THSD7B: variants seen among roughly 807,000 people sequenced by gnomAD.
The protein encoded by THSD7B is thrombospondin type 1 domain containing 7B.
In THSD7B, 138 loss-of-function variants were observed where a neutral mutation model predicts 213.6. The observed-to-expected ratio is 0.65, with a 90% confidence interval of 0.56 to 0.74. THSD7B has a LOEUF of 0.74. Among genes scored for constraint, THSD7B ranks in the 30% least tolerant of loss-of-function variants. The pLI is 0.00. For synonymous variants in THSD7B, 742 were observed against 687.0 expected (o/e 1.08, Z -1.25); for missense variants, 1,931 against 1,991.5 (o/e 0.97, Z 0.58).
chr2:137,592,565 T>G (rs1350146439), intron 17 of THSD7B, among the ~76,000 whole-genome samples: 1 of 152,058 alleles, frequency 6.6e-6, no homozygotes, highest in South Asian at 2.1e-4. Context: ...AGACTATAAC[T>G]TTTATTCCTA....
intron 9 of THSD7B, among the ~76,000 whole-genome samples, chr2:137,237,685 G>T (rs906586036): frequency 1.3e-5 from 2 of 152,172 alleles, no homozygotes; most frequent in Non-Finnish European, 2.9e-5. Flanking sequence ...TTCAGAAGTT[G>T]GGGAGAACCT....
chr2:136,831,088 CCTT>C (rs1254683672), intron 1 of THSD7B, among the ~76,000 whole-genome samples: 1 of 145,562 alleles, frequency 6.9e-6, no homozygotes, highest in Non-Finnish European at 1.5e-5. Flanking sequence ...TCCTAGTTTG[CCTT>C]CTTTGTTTGG....
intron 2 of THSD7B, among the ~76,000 whole-genome samples, chr2:137,024,199 A>T (rs1342040023): frequency 6.6e-6 from 1 of 152,154 alleles, no homozygotes; most frequent in African/African-American, 2.4e-5. Flanking sequence ...CCTGGACGCG[A>T]TCTGTCACCT....
At chr2:137,456,240 G>T (rs113727336) in intron 15 of THSD7B, among the ~76,000 whole-genome samples, 1 of 152,094 alleles carries the variant, frequency 6.6e-6, no homozygotes, top group Non-Finnish European at 1.5e-5. Flanking sequence ...GCAGGGTAAT[G>T]ATGTTTTTAA....
At chr2:137,143,925 GT>G (rs915852213) in intron 5 of THSD7B, among the ~76,000 whole-genome samples, 1 of 151,572 alleles carries the variant, frequency 6.6e-6, no homozygotes, top group African/African-American at 2.4e-5. Flanking sequence ...CTGCCTGGTG[GT>G]TTTTTTTCCA....
At chr2:137,030,370 A>G (rs569084420) in intron 2 of THSD7B, among the ~76,000 whole-genome samples, 1 of 152,310 alleles carries the variant, frequency 6.6e-6, no homozygotes, top group African/African-American at 2.4e-5. Context: ...ATAGTCAGAC[A>G]TATTAGTAAG....
chr2:136,951,985 T>G (rs982276214), intron 2 of THSD7B, among the ~76,000 whole-genome samples: 1 of 152,150 alleles, frequency 6.6e-6, no homozygotes, highest in Admixed American at 6.5e-5. Flanking sequence ...TTCTTCTGCC[T>G]CAGCCTCTTG....
intron 2 of THSD7B, among the ~76,000 whole-genome samples, chr2:136,953,314 G>A (rs1485452485): frequency 6.6e-6 from 1 of 152,090 alleles, no homozygotes; most frequent in Non-Finnish European, 1.5e-5. Flanking sequence ...TTCCTTCAAA[G>A]ACACTGCTGC....
chr2:137,428,381 A>G (rs1156871886), intron 14 of THSD7B, among the ~76,000 whole-genome samples: 1 of 152,198 alleles, frequency 6.6e-6, no homozygotes, highest in Non-Finnish European at 1.5e-5. Context: ...CTGCTTTGAA[A>G]AATCATCAGT....
chr2:137,372,971 G>A (rs1685565757), intron 12 of THSD7B, among the ~76,000 whole-genome samples: 1 of 150,916 alleles, frequency 6.6e-6, no homozygotes, highest in Admixed American at 6.6e-5. Context: ...TCTTGCGATA[G>A]TTTACTGAGA....
chr2:137,670,488 G>T (rs1442857511), intron 27 of THSD7B, among the ~76,000 whole-genome samples: 3 of 152,146 alleles, frequency 2.0e-5, no homozygotes, highest in Admixed American at 6.5e-5. Context: ...TTTTAAAATA[G>T]AAAAAAAATT....
At chr2:137,168,515 A>C (rs965922288) in intron 6 of THSD7B, among the ~76,000 whole-genome samples, 5 of 152,192 alleles carry the variant, frequency 3.3e-5, no homozygotes, top group Non-Finnish European at 5.9e-5. Flanking sequence ...GGACAAGGGC[A>C]GCACAAATGA....
chr2:137,203,117 T>A (rs939609404), intron 7 of THSD7B, among the ~76,000 whole-genome samples: 2 of 152,020 alleles, frequency 1.3e-5, no homozygotes, highest in Non-Finnish European at 2.9e-5. Context: ...GCTATTCCCA[T>A]CACAGCCAAA....
At chr2:137,145,532 T>C (rs1437723982) in intron 5 of THSD7B, among the ~76,000 whole-genome samples, 1 of 152,074 alleles carries the variant, frequency 6.6e-6, no homozygotes, top group Non-Finnish European at 1.5e-5. Context: ...AGTTCATTAT[T>C]GTAAAGATCT....
intron 12 of THSD7B, among the ~76,000 whole-genome samples, chr2:137,375,024 C>T (rs904102962): frequency 6.6e-6 from 1 of 152,148 alleles, no homozygotes; most frequent in Admixed American, 6.6e-5. Context: ...GCTATGAAGA[C>T]TTGAAGCAAA....
In THSD7B at chr2:137,508,501, C is replaced by T. The variant is rs1048130050; in HGVS notation, c.3139-54720C>T. On this transcript the variant is annotated intron_variant, in intron 15 of 27. Transcript: ENST00000409968. The stretch of plus-strand genomic sequence containing the variant: ...ACGCCATTCTCCTGCCTCTGCCTCC[C>T]GAGTAGCTGGGACTACAGGCGCCTG... 2.6e-5 allele frequency among the ~76,000 whole-genome samples: 4 copies of T among 151,076 alleles called. No homozygotes were observed. The South Asian group carries it at 8.4e-4, about 32-fold the overall frequency.
intron 1 of THSD7B, among the ~76,000 whole-genome samples, chr2:136,876,180 G>A (rs80180072): frequency 0.013 from 2,054 of 152,238 alleles, 27 homozygotes; most frequent in Non-Finnish European, 0.021. Context: ...AATAGCTTAG[G>A]AACAACCGCT....
At chr2:137,408,407 T>A (rs1686577051) in intron 13 of THSD7B, among the ~76,000 whole-genome samples, 1 of 152,266 alleles carries the variant, frequency 6.6e-6, no homozygotes, top group Non-Finnish European at 1.5e-5. Context: ...TTACCACTTA[T>A]ATGTGCTAGT....
At chr2:137,015,726 A>C in intron 2 of THSD7B, among the ~76,000 whole-genome samples, 1 of 152,144 alleles carries the variant, frequency 6.6e-6, no homozygotes, top group East Asian at 1.9e-4. Context: ...TACTTTAAAA[A>C]GTCTCTTTCT....
Sources: allele counts gnomAD v4.1 joint callset (sites outside exome capture counted in the v4.1 genomes callset), GRCh38; gene constraint gnomAD v4.1.1; transcripts MANE v1.5; gene names NCBI Gene and HGNC (gene_info 2026-07-23, HGNC 2026-07-21).